BLZF1: variants seen among roughly 807,000 people sequenced by gnomAD.
The protein encoded by BLZF1 is basic leucine zipper nuclear factor 1.
Under a neutral mutation model 43.8 loss-of-function variants are expected in BLZF1, and 39 were observed. The ratio of observed to expected loss-of-function variants is 0.89; its 90% CI spans 0.69 to 1.16. The LOEUF (loss-of-function observed/expected upper bound fraction) is 1.16, where lower values mean the gene tolerates loss of function less well. Among genes scored for constraint, BLZF1 ranks in the 50% most tolerant of loss-of-function variants. BLZF1 has a pLI of 0.00. For synonymous variants in BLZF1, 136 were observed against 159.4 expected (o/e 0.85, Z 1.11); for missense variants, 449 against 469.8 (o/e 0.96, Z 0.41).
rs544642079 is a variant in BLZF1 at position 169,386,886 on chromosome 1, A to G, written c.1018-111A>G. The G allele has an allele frequency of 4.3e-5, 29 of 681,726 alleles. 1 individual carries two copies. Among genetic ancestry groups the G allele is most frequent in the Admixed American group, 2.1e-4 (6 of 28,984 alleles). 42.2% of individuals were successfully genotyped at this position (681,726 alleles called of 1,614,324 possible). On this transcript the variant is annotated intron_variant, in intron 6 of 6. Transcript: ENST00000367808. ...GATTAGTCATTCTGTTTTTTTAGTA[A>G]TAGTTATATATTAATGAAGTGAAAC...
In BLZF1 at chr1:169,376,862, A is replaced by G. The variant is rs530022938; in HGVS notation, c.351A>G (p.Ile117Met). Residue 117 changes from isoleucine (I) to methionine (M), a missense_variant, in exon 3 of 7, where the codon ATA (isoleucine) becomes ATG (methionine). Coordinates refer to ENST00000367808, the MANE Select transcript of BLZF1 (RefSeq NM_001320973.2). ...GEFLGQSEGV[I>M]EPNKELSEVK... ...TCCTTGGTCAGTCAGAGGGAGTTATAGAACCTAATAAGGAACTCTCAGAGG... is the reference window on the plus strand; with the variant it reads ...TCCTTGGTCAGTCAGAGGGAGTTATGGAACCTAATAAGGAACTCTCAGAGG... The G allele has an allele frequency of 2.4e-5, 38 of 1,613,356 alleles. No individual in the cohort carries two copies. In the South Asian group the frequency reaches 4.2e-4, roughly 18 times the overall value.
intron 6 of BLZF1, among the ~76,000 whole-genome samples, chr1:169,384,337 T>A (rs1654611089): frequency 6.6e-6 from 1 of 152,136 alleles, no homozygotes; most frequent in Non-Finnish European, 1.5e-5. Context: ...TTCAAACACC[T>A]GACTTCCAGC....
At chr1:169,382,401 T>G (rs1557849974) in intron 6 of BLZF1, 120 bp downstream of exon 6, 1 of 767,944 alleles carries the variant, frequency 1.3e-6, no homozygotes, top group Admixed American at 2.8e-5. Context: ...AAACCACTCA[T>G]GCTATTGAGT....
chr1:169,368,501 A>G (rs1214109993), intron 1 of BLZF1, 159 bp downstream of exon 1: 2 of 152,202 alleles, frequency 1.3e-5, no homozygotes, highest in Non-Finnish European at 2.9e-5. Context: ...CCCGGACAGC[A>G]AAGTTGACAG....
Position 169,382,056 on chromosome 1 carries a change from A to C in BLZF1, c.798-6A>C. On this transcript the variant is annotated splice_region_variant and splice_polypyrimidine_tract_variant and intron_variant, in intron 5 of 6. Transcript: ENST00000367808. ...TATGTCCGGTGTTCATGTGTGTTCT[A>C]TGCAGATTATTGGAGGAGCTCTTAG... The C allele has an allele frequency of 6.2e-7, 1 of 1,611,408 alleles. No individual in the cohort carries two copies. The highest frequency in any genetic ancestry group is 8.5e-7 in the Non-Finnish European group (1 of 1,178,022).
rs1654034815 is a variant in BLZF1 at position 169,369,550 on chromosome 1, G to A, written c.28G>A (p.Val10Ile). Reference sequence around the variant, plus strand: ...GACTACTAAAAATTTAGAAACCAAAGGTAAGTGGCTTTTTTATAATTGTTT... The same window carrying A: ...GACTACTAAAAATTTAGAAACCAAAAGTAAGTGGCTTTTTTATAATTGTTT... MTTKNLETKVTVTSSPIRGA... is the reference protein window; with the variant it reads MTTKNLETKITVTSSPIRGA... Residue 10 changes from valine (V) to isoleucine (I), a missense_variant and splice_region_variant, in exon 2 of 7, where the codon GTC becomes ATC. Transcript: ENST00000367808. The A allele has an allele frequency of 6.2e-7, 1 of 1,606,260 alleles. No individual in the cohort carries two copies.
downstream of BLZF1, among the ~76,000 whole-genome samples, chr1:169,391,254 A>G (rs1654806506): frequency 6.6e-6 from 1 of 152,192 alleles, no homozygotes; most frequent in Non-Finnish European, 1.5e-5. Flanking sequence ...CCAGCATACC[A>G]TTCAGTTAAC....
chr1:169,394,326 C>T (rs906802942), intron 7 of BLZF1, among the ~76,000 whole-genome samples: 1 of 152,140 alleles, frequency 6.6e-6, no homozygotes, highest in Non-Finnish European at 1.5e-5. Flanking sequence ...GCTATTTTAT[C>T]ATTTCAAGTT....
At chr1:169,396,222 A>T (rs1655026232) in exon 8 of BLZF1, 1 of 152,178 alleles carries the variant, frequency 6.6e-6, no homozygotes, top group Non-Finnish European at 1.5e-5. Context: ...TACAATGCAC[A>T]TTTACTGTTT....
chr1:169,377,126 A>C, intron 3 of BLZF1, 147 bp downstream of exon 3: 7 of 700,258 alleles, frequency 1.0e-5, no homozygotes, highest in Non-Finnish European at 1.4e-5. Flanking sequence ...TAAATTTCTC[A>C]TTCTTTCTCA....
chr1:169,382,633 C>A (rs1339248815), intron 6 of BLZF1, among the ~76,000 whole-genome samples: 1 of 152,142 alleles, frequency 6.6e-6, no homozygotes, highest in African/African-American at 2.4e-5. Context: ...TACTTCTGAT[C>A]TAAGAAATTA....
At position 169,379,184 on chromosome 1, in the gene BLZF1, ATACTT is replaced by A. The variant is rs1478264423; in HGVS notation, c.668+658_668+662del. Among the ~76,000 whole-genome samples the A allele has an allele frequency of 3.9e-5, 6 of 152,132 alleles. 1 individual carries two copies. The highest frequency in any genetic ancestry group is 1.2e-4 in the African/African-American group (5 of 41,550). ...CTGTGTATTTCTGGAACTTAGCAAA[ATACTT>A]TATAGAGTATGTTTCATAACTGTTG... On this transcript the variant is annotated intron_variant, in intron 4 of 6. Coordinates refer to ENST00000367808, the MANE Select transcript of BLZF1 (RefSeq NM_001320973.2).
chr1:169,372,967 T>G (rs553958269), intron 2 of BLZF1, among the ~76,000 whole-genome samples: 13 of 152,316 alleles, frequency 8.5e-5, no homozygotes, highest in African/African-American at 2.9e-4. Context: ...ATTAGACCTA[T>G]GTTATCAAAA....
rs1654374612 is a variant in BLZF1, at chr1:169,376,925, A to G, written c.414A>G (p.Arg138=). 1.2e-5 allele frequency: 20 copies of G among 1,613,150 alleles called. No individual in the cohort carries two copies. The highest frequency in any genetic ancestry group is 1.7e-5 in the Non-Finnish European group (20 of 1,179,508). Reference sequence around the variant, plus strand: ...TGGAAAAGCTCAAGAATTCTGAAAGAAGGTTACTACAGGACAAAGAAGGTC... The same window carrying G: ...TGGAAAAGCTCAAGAATTCTGAAAGGAGGTTACTACAGGACAAAGAAGGTC... ...NVLEKLKNSE[R]RLLQDKEGLS... Residue 138 remains arginine (R), a synonymous_variant, in exon 3 of 7, where the codon AGA becomes AGG. Coordinates refer to ENST00000367808, the MANE Select transcript of BLZF1 (RefSeq NM_001320973.2).
chr1:169,395,025 C>G (rs1654932772), intron 7 of BLZF1: 1 of 1,561,308 alleles, frequency 6.4e-7, no homozygotes, highest in Non-Finnish European at 8.7e-7. Flanking sequence ...CAGCTGCCCA[C>G]TGAAATATTT....
At chr1:169,380,207 G>C (rs1022210731) in intron 4 of BLZF1, among the ~76,000 whole-genome samples, 1 of 151,860 alleles carries the variant, frequency 6.6e-6, no homozygotes, top group African/African-American at 2.4e-5. Flanking sequence ...TCTAGAGTAA[G>C]ATTGAGATGT....
intron 2 of BLZF1, among the ~76,000 whole-genome samples, chr1:169,370,785 A>C (rs1401049545): frequency 1.3e-5 from 2 of 152,098 alleles, no homozygotes; most frequent in Admixed American, 6.5e-5. Flanking sequence ...TCATGACTTC[A>C]GTAATTATCT....
At chr1:169,386,885 A>G (rs1044021757) in intron 6 of BLZF1, 112 bp from the exon 7 acceptor site, 27 of 680,462 alleles carry the variant, frequency 4.0e-5, no homozygotes, top group Non-Finnish European at 6.2e-5. Context: ...TTTTTTTAGT[A>G]ATAGTTATAT....
Position 169,378,494 on chromosome 1 carries a change from G to A in BLZF1, c.633G>A (p.Gln211=). ...LSEQLERMSI[Q]CDVWRSKFLA... is the part of the protein sequence containing the mutation. ...AACAGTTAGAACGTATGTCAATACA[G>A]TGTGATGTATGGCGAAGTAAATTCC... The change falls in exon 4 of 7, where the codon CAG becomes CAA. Residue 211 remains glutamine (Q), a synonymous_variant. Coordinates refer to ENST00000367808, the MANE Select transcript of BLZF1 (RefSeq NM_001320973.2). 6.2e-7 allele frequency: 1 copy of A among 1,612,666 alleles called. No homozygotes were observed. The highest frequency in any genetic ancestry group is 8.5e-7 in the Non-Finnish European group (1 of 1,178,966).
Sources: allele counts gnomAD v4.1 joint callset (sites outside exome capture counted in the v4.1 genomes callset), GRCh38; gene constraint gnomAD v4.1.1; transcripts MANE v1.5; gene names NCBI Gene and HGNC (gene_info 2026-07-23, HGNC 2026-07-21).